TBC1D17: variants seen among roughly 807,000 people sequenced by gnomAD.
The protein encoded by TBC1D17 is TBC1 domain family, member 17.
TBC1D17 carries 69 observed loss-of-function variants against 78.8 expected under a neutral mutation model. That is an observed-to-expected ratio of 0.88 (90% confidence interval 0.72 to 1.07). The LOEUF is 1.07. TBC1D17 is among the 50% of genes least tolerant of loss of function. The pLI is 0.00. For missense variants in TBC1D17, 957 were observed against 861.0 expected, an observed-to-expected ratio of 1.11 and a Z score of -1.39; for synonymous variants, 456 against 358.3, an observed-to-expected ratio of 1.27 and a Z score of -3.08.
intron 7 of TBC1D17, 84 bp from the exon 8 acceptor site, chr19:49,882,680 G>A: frequency 6.9e-7 from 1 of 1,444,482 alleles, no homozygotes; most frequent in Non-Finnish European, 9.1e-7. Context: ...AAGCTAATAA[G>A]CTCTCTGAGC....
Position 49,887,738 on chromosome 19 carries a change from T to A in TBC1D17, c.1563T>A (p.Pro521=). The part of the protein sequence containing the change: ...RLWEVLWTGL[P]GPNLHLLVAC... ...CTCAGGTGCTGTGGACAGGGCTCCC[T>A]GGCCCCAATCTGCACCTGCTGGTGG... Residue 521 remains proline, a synonymous_variant, in exon 15 of 17, where the codon CCT becomes CCA. Coordinates refer to ENST00000221543, the MANE Select transcript of TBC1D17 (RefSeq NM_024682.3). 6.2e-7 allele frequency: 1 copy of A among 1,613,836 alleles called. No individual in the cohort carries two copies. The highest frequency in any genetic ancestry group is 1.7e-5 in the Admixed American group (1 of 60,010).
chr19:49,883,745 GGTCA>G lies in TBC1D17; in HGVS notation c.1126+3_1126+6del. 1 of 1,613,504 alleles carries G rather than the reference GGTCA, an allele frequency of 6.2e-7. No individual in the cohort carries two copies. Among genetic ancestry groups the G allele is most frequent in the Non-Finnish European group, 8.5e-7 (1 of 1,179,764 alleles). ...TCTGCATGGATACCGCAGCCTCATCGGTCAGTGTCAGGGGTGGCACTTAGGGTGG... is the reference window on the plus strand; with the variant it reads ...TCTGCATGGATACCGCAGCCTCATCGGTGTCAGGGGTGGCACTTAGGGTGG... On this transcript the variant is annotated splice_donor_variant and splice_donor_region_variant and intron_variant, in intron 10 of 16. Transcript: ENST00000221543. LOFTEE classifies it high-confidence loss of function.
intron 5 of TBC1D17, 94 bp downstream of exon 5, chr19:49,881,569 C>A: frequency 8.0e-7 from 1 of 1,243,044 alleles, no homozygotes; most frequent in Non-Finnish European, 1.1e-6. Context: ...ACACAACTCA[C>A]ACTGATTTAA....
At chr19:49,884,818 T>G in intron 13 of TBC1D17, 60 bp downstream of exon 13, 2 of 1,479,004 alleles carry the variant, frequency 1.4e-6, no homozygotes, top group Non-Finnish European at 1.9e-6. Flanking sequence ...CCAGATTCTC[T>G]GGTAGCAGCC....
chr19:49,885,943 C>G (rs1600452693), intron 13 of TBC1D17, among the ~76,000 whole-genome samples: 1 of 147,024 alleles, frequency 6.8e-6, no homozygotes, highest in East Asian at 2.0e-4. Context: ...CCATTGCACT[C>G]CAGCCTGGGC....
chr19:49,885,436 A>G (rs1318296901), intron 13 of TBC1D17: 1 of 39,906 alleles, frequency 2.5e-5, no homozygotes, highest in Non-Finnish European at 4.4e-5. Flanking sequence ...CAAGAGCGAA[A>G]GAAACTCCAT....
At chr19:49,881,199 T>TG (rs1264602125) in intron 4 of TBC1D17, 69 bp from the exon 5 acceptor site, 4 of 1,424,338 alleles carry the variant, frequency 2.8e-6, no homozygotes, top group Non-Finnish European at 2.9e-6. Flanking sequence ...AGGAACATCC[T>TG]GGGTTGTGGT....
Position 49,888,680 on chromosome 19 carries a change from G to A in TBC1D17, c.*56G>A. 10 of 1,454,590 alleles carry A rather than the reference G, an allele frequency of 6.9e-6. 2 individuals are homozygous for A. In the South Asian group the frequency reaches 1.2e-4, roughly 17 times the overall value. 90.1% of individuals were successfully genotyped at this position (1,454,590 alleles called of 1,614,324 possible). On this transcript the variant is annotated 3_prime_UTR_variant, in exon 17 of 17. Transcript: ENST00000221543. ...ACTTTAGCCCGAGCCAGGCACACCT[G>A]CGAGGGGGCAGGTGTGCTCCGCCGC...
Position 49,880,273 on chromosome 19 carries a change from C to T in TBC1D17, c.196-6C>T, listed in dbSNP as rs772877596. On this transcript the variant is annotated splice_region_variant and splice_polypyrimidine_tract_variant and intron_variant, in intron 3 of 16. Transcript: ENST00000221543. ...CCCTTACTGTCTGCTCCTTTCCTCTCCTAAGGACTCCAGTGGGGGTGACTC... is the reference window on the plus strand; with the variant it reads ...CCCTTACTGTCTGCTCCTTTCCTCTTCTAAGGACTCCAGTGGGGGTGACTC... The T allele has an allele frequency of 4.3e-6, 7 of 1,613,876 alleles. No individual in the cohort carries two copies. Among genetic ancestry groups the T allele is most frequent in the East Asian group, 2.2e-5 (1 of 44,902 alleles).
In TBC1D17 at chr19:49,884,683, G is replaced by C. The variant is rs763767736; in HGVS notation, c.1369G>C (p.Glu457Gln). 6.2e-7 allele frequency: 1 copy of C among 1,614,148 alleles called. No homozygotes were observed. The highest frequency in any genetic ancestry group is 8.5e-7 in the Non-Finnish European group (1 of 1,180,036). The stretch of plus-strand genomic sequence containing the variant: ...GCAAGGGAACTTTGAAGAGAGCCAG[G>C]AGACCATGAAGCGGCAACTCGGGCG... The part of the protein sequence containing the change: ...LVQGNFEESQ[E>Q]TMKRQLGRLL... The change falls in exon 13 of 17, where the codon GAG becomes CAG. Residue 457 changes from glutamate to glutamine, a missense_variant. Physicochemically the swap from Glu to Gln is conservative, Grantham distance 29 (BLOSUM62 2). Transcript: ENST00000221543.
chr19:49,884,875 T>TC, intron 13 of TBC1D17, 117 bp downstream of exon 13: 1 of 873,258 alleles, frequency 1.1e-6, no homozygotes, highest in Non-Finnish European at 1.8e-6. Context: ...AAGAGAAACA[T>TC]CCCCACACAA....
chr19:49,878,209 C>T lies in TBC1D17; in HGVS notation c.88C>T (p.Leu30Phe). 6.4e-7 allele frequency: 1 copy of T among 1,565,020 alleles called. No individual in the cohort carries two copies. Among genetic ancestry groups the T allele is most frequent in the Non-Finnish European group, 8.7e-7 (1 of 1,154,802 alleles). The change falls in exon 2 of 17, where the codon CTC becomes TTC. Residue 30 changes from leucine to phenylalanine, a missense_variant. By Grantham distance (22) the Leu-to-Phe change is conservative. Transcript: ENST00000221543. ...TAAGAAGTATCAGGACCGAGACTCT[C>T]TCATCGCTGGTGTCATCCGTGTCGT... ...SAKKYQDRDS[L>F]IAGVIRVVEK... is the part of the protein sequence containing the mutation.
rs1600446432 is a variant in TBC1D17, at chr19:49,881,563, A to T, written c.527+88A>T. The T allele has an allele frequency of 5.5e-6, 7 of 1,273,280 alleles. No individual in the cohort carries two copies. In the East Asian group the frequency reaches 1.7e-4, roughly 31 times the overall value. 78.9% of individuals were successfully genotyped at this position (1,273,280 alleles called of 1,614,324 possible). The stretch of plus-strand genomic sequence containing the variant: ...CCCCTCGGGGCTGTGAAAGAAACAC[A>T]ACTCACACTGATTTAAAGGCAGGCA... On this transcript the variant is annotated intron_variant, in intron 5 of 16. Transcript: ENST00000221543.
chr19:49,884,121 GCTT>G, intron 10 of TBC1D17, 129 bp from the exon 11 acceptor site: 1 of 802,732 alleles, frequency 1.2e-6, no homozygotes, highest in East Asian at 2.5e-5. Context: ...AACCAGCTCT[GCTT>G]CTCCCCCAGA....
intron 3 of TBC1D17, 119 bp downstream of exon 3, chr19:49,878,691 G>C (rs2074982926): frequency 3.2e-6 from 3 of 928,836 alleles, no homozygotes; most frequent in African/African-American, 1.6e-5. Context: ...GTGTGACCCT[G>C]TTTAGGCTTG....
In TBC1D17 at chr19:49,881,470, G is replaced by C. The variant is rs758952464; in HGVS notation, c.522G>C (p.Leu174Phe). ...LLRVLSRYLL[L>F]ASSPQDSRLY... Reference sequence around the variant, plus strand: ...GCGTCCTCAGCCGCTACCTGCTGTTGGCCAGGTGAGCTCTCTCCCAGTGCT... The same window carrying C: ...GCGTCCTCAGCCGCTACCTGCTGTTCGCCAGGTGAGCTCTCTCCCAGTGCT... The change falls in exon 5 of 17, where the codon TTG becomes TTC. Residue 174 changes from leucine to phenylalanine, a missense_variant. By Grantham distance (22) the Leu-to-Phe change is conservative. Coordinates refer to ENST00000221543, the MANE Select transcript of TBC1D17 (RefSeq NM_024682.3). 3.7e-6 allele frequency: 6 copies of C among 1,608,132 alleles called. No homozygotes were observed. The highest frequency in any genetic ancestry group is 5.1e-6 in the Non-Finnish European group (6 of 1,179,688).
In TBC1D17 at chr19:49,882,766, G is replaced by A; in HGVS notation, c.801G>A (p.Val267=). ...PEPGFEVISC[V]ELGPRPTVER... is the part of the protein sequence containing the mutation. Reference sequence around the variant, plus strand: ...GCTCATTTGCTCTTTGCCTGCAGGTGGAGCTGGGGCCTCGGCCAACCGTGG... The same window carrying A: ...GCTCATTTGCTCTTTGCCTGCAGGTAGAGCTGGGGCCTCGGCCAACCGTGG... The change falls in exon 8 of 17, where the codon GTG becomes GTA. Residue 267 remains valine, a splice_region_variant and synonymous_variant. Coordinates refer to ENST00000221543, the MANE Select transcript of TBC1D17 (RefSeq NM_024682.3). 1 of 1,560,940 alleles carries A rather than the reference G, an allele frequency of 6.4e-7. No homozygotes were observed. The highest frequency in any genetic ancestry group is 8.7e-7 in the Non-Finnish European group (1 of 1,153,492).
At position 49,877,927 on chromosome 19, in the gene TBC1D17, C is replaced by A. The variant is rs1473832059; in HGVS notation, c.21+183C>A. ...AGGGAAGAACCTCCCATGGCCCCGC[C>A]CCCCCGGCTCAGGCGACTCCTTGAG... On this transcript the variant is annotated intron_variant, in intron 1 of 16. Transcript: ENST00000221543. 19 of 793,330 alleles carry A rather than the reference C, an allele frequency of 2.4e-5. No individual in the cohort carries two copies. In the Admixed American group the frequency reaches 5.5e-4, roughly 23 times the overall value. The allele number at this position is 793,330 out of a possible 1,614,324, so 49.1% of individuals were successfully genotyped here. A position where few individuals can be genotyped will look rare whatever the true frequency, so the allele number is the denominator to read the frequency against.
In TBC1D17 at chr19:49,882,280, C is replaced by T. The variant is rs1292441105; in HGVS notation, c.678C>T (p.Ser226=). ...ATCCCTACTCCACCACCTTCAGCAG[C>T]TTCTCCCGAGTGACCAACTTCTTCC... ...LQDPYSTTFS[S]FSRVTNFFRG... Residue 226 remains serine (S), a synonymous_variant, in exon 7 of 17, where the codon AGC becomes AGT. Coordinates refer to ENST00000221543, the MANE Select transcript of TBC1D17 (RefSeq NM_024682.3). 2 of 1,612,360 alleles carry T rather than the reference C, an allele frequency of 1.2e-6. No homozygotes were observed. Among genetic ancestry groups the T allele is most frequent in the East Asian group, 2.2e-5 (1 of 44,880 alleles).
Sources: allele counts gnomAD v4.1 joint callset (sites outside exome capture counted in the v4.1 genomes callset), GRCh38; gene constraint gnomAD v4.1.1; transcripts MANE v1.5; gene names NCBI Gene and HGNC (gene_info 2026-07-23, HGNC 2026-07-21).